Variants in BTBD9 observed in about 807,000 individuals in gnomAD.
The protein encoded by BTBD9 is BTB/POZ domain-containing protein 9.
In BTBD9, 49 loss-of-function variants were observed where a neutral mutation model predicts 64.3. The ratio of observed to expected loss-of-function variants is 0.76; its 90% CI spans 0.61 to 0.97. The LOEUF (loss-of-function observed/expected upper bound fraction) is 0.97. Ranked by LOEUF, BTBD9 falls within the 50% of genes least tolerant of loss-of-function variation. BTBD9 has a pLI of 0.00. For missense variants in BTBD9, 598 were observed against 762.1 expected (o/e 0.78, Z 2.53); for synonymous variants, 260 against 274.7 (o/e 0.95, Z 0.53).
chr6:38,196,394 T>C (rs1407819846), intron 9 of BTBD9, among the ~76,000 whole-genome samples: 1 of 152,238 alleles, frequency 6.6e-6, no homozygotes, highest in African/African-American at 2.4e-5. Context: ...AATTAGTTGA[T>C]AGTGTTATTA....
chr6:38,187,928 C>T (rs1761887527), intron 10 of BTBD9, among the ~76,000 whole-genome samples: 1 of 152,222 alleles, frequency 6.6e-6, no homozygotes, highest in East Asian at 1.9e-4. Flanking sequence ...AAGAAATCTA[C>T]ACTCTCAGAC....
intron 7 of BTBD9, among the ~76,000 whole-genome samples, chr6:38,322,066 G>C (rs1024101480): frequency 6.6e-6 from 1 of 151,710 alleles, no homozygotes; most frequent in Non-Finnish European, 1.5e-5. Flanking sequence ...ACAAAGCCCT[G>C]GCCCTTTCCC....
At chr6:38,241,792 G>T (rs1005685881) in intron 9 of BTBD9, among the ~76,000 whole-genome samples, 10 of 152,054 alleles carry the variant, frequency 6.6e-5, no homozygotes, top group African/African-American at 2.4e-4. Context: ...AAAACAGAGG[G>T]AAAAAAACCA....
At chr6:38,425,958 A>ACAC (rs1554150450) in intron 6 of BTBD9, among the ~76,000 whole-genome samples, 3,131 of 150,280 alleles carry the variant, frequency 0.021, 132 homozygotes, top group African/African-American at 0.067. Context: ...ACACACACAC[A>ACAC]AACAAAAGCA....
chr6:38,346,915 G>A (rs563198249), intron 6 of BTBD9, among the ~76,000 whole-genome samples: 1 of 152,210 alleles, frequency 6.6e-6, no homozygotes, highest in South Asian at 2.1e-4. Context: ...AGATCATTTC[G>A]CTATTCTCTA....
At chr6:38,232,274 C>CTTTTTT (rs990677793) in intron 9 of BTBD9, among the ~76,000 whole-genome samples, 1 of 140,792 alleles carries the variant, frequency 7.1e-6, no homozygotes, top group African/African-American at 2.6e-5. Flanking sequence ...TCTCTGTTTT[C>CTTTTTT]TTTTTTTTTT....
chr6:38,486,625 A>G (rs1428538302), intron 6 of BTBD9, among the ~76,000 whole-genome samples: 1 of 152,184 alleles, frequency 6.6e-6, no homozygotes, highest in African/African-American at 2.4e-5. Flanking sequence ...TCTGTCTTCT[A>G]TGGGTGTGGT....
intron 6 of BTBD9, among the ~76,000 whole-genome samples, chr6:38,421,054 T>A (rs1374726441): frequency 6.6e-6 from 1 of 152,102 alleles, no homozygotes; most frequent in Admixed American, 6.5e-5. Flanking sequence ...TTAAAGGGTA[T>A]TTAATAATAA....
chr6:38,281,992 T>A (rs1761528936), intron 8 of BTBD9, among the ~76,000 whole-genome samples: 1 of 152,188 alleles, frequency 6.6e-6, no homozygotes, highest in African/African-American at 2.4e-5. Context: ...GTATACTTAA[T>A]GCATAGCATA....
intron 6 of BTBD9, among the ~76,000 whole-genome samples, chr6:38,574,105 T>C (rs1444028711): frequency 6.6e-6 from 1 of 152,198 alleles, no homozygotes; most frequent in Non-Finnish European, 1.5e-5. Flanking sequence ...TTTGGCTACA[T>C]AGAGCAATCC....
At chr6:38,439,993 T>C (rs1768951388) in intron 6 of BTBD9, among the ~76,000 whole-genome samples, 1 of 152,112 alleles carries the variant, frequency 6.6e-6, no homozygotes, top group African/African-American at 2.4e-5. Context: ...AGATGGGGGA[T>C]TGTAGAGGCT....
In BTBD9 at chr6:38,636,633, C is replaced by A. The variant is rs142114109; in HGVS notation, c.-28+3167G>T. 6.1e-3 allele frequency among the ~76,000 whole-genome samples: 935 copies of A among 152,308 alleles called. 6 individuals carry two copies. The highest frequency in any genetic ancestry group is 0.027 in the Middle Eastern group (8 of 294). On this transcript the variant is annotated intron_variant, in intron 1 of 10. Coordinates refer to ENST00000481247, the MANE Select transcript of BTBD9 (RefSeq NM_001099272.2). ...TATCCATTCCCATTGTCCAACATTT[C>A]TCACCTACACTCTAGTCTCCCTGCC...
intron 6 of BTBD9, among the ~76,000 whole-genome samples, chr6:38,470,456 G>C (rs1770600487): frequency 6.6e-6 from 1 of 152,182 alleles, no homozygotes; most frequent in Non-Finnish European, 1.5e-5. Context: ...TTATAACTCA[G>C]GGAATTGCAC....
intron 9 of BTBD9, among the ~76,000 whole-genome samples, chr6:38,210,589 C>G (rs1161748314): frequency 1.4e-5 from 2 of 146,458 alleles, no homozygotes; most frequent in Non-Finnish European, 3.0e-5. Flanking sequence ...TGCATCTGGG[C>G]AAGAGTTTTT....
chr6:38,556,511 G>A (rs1458264828), intron 6 of BTBD9, among the ~76,000 whole-genome samples: 1 of 49,938 alleles, frequency 2.0e-5, no homozygotes, highest in African/African-American at 7.8e-5. Context: ...TATAAAGTGT[G>A]TGTGTGTGTG....
chr6:38,261,970 C>T (rs572091531), intron 8 of BTBD9, among the ~76,000 whole-genome samples: 1 of 152,184 alleles, frequency 6.6e-6, no homozygotes, highest in Non-Finnish European at 1.5e-5. Context: ...GGAATTAAAC[C>T]CCTTTGTTGA....
At chr6:38,351,058 G>A (rs571051759) in intron 6 of BTBD9, among the ~76,000 whole-genome samples, 1 of 152,336 alleles carries the variant, frequency 6.6e-6, no homozygotes, top group East Asian at 1.9e-4. Context: ...GGCAGCAAGT[G>A]GAAAACAAGT....
intron 7 of BTBD9, among the ~76,000 whole-genome samples, chr6:38,291,175 A>G (rs930602747): frequency 6.6e-6 from 1 of 152,170 alleles, no homozygotes; most frequent in Non-Finnish European, 1.5e-5. Context: ...AGTGGTTGTA[A>G]AACTTTATAC....
intron 3 of BTBD9, among the ~76,000 whole-genome samples, chr6:38,593,151 A>G (rs1407444586): frequency 1.3e-5 from 2 of 152,234 alleles, no homozygotes; most frequent in South Asian, 4.1e-4. Flanking sequence ...CTGTCAATAC[A>G]TTCAGATTCT....
Sources: gnomAD v4.1 joint callset for allele counts (sites outside exome capture counted in the v4.1 genomes callset) on GRCh38, gnomAD v4.1.1 for gene constraint, MANE v1.5 for transcripts, NCBI Gene and HGNC (gene_info 2026-07-23, HGNC 2026-07-21) for gene names.